The following TRPM8 variants were observed in gnomAD, a reference collection of about 807,000 sequenced individuals.
TRPM8 encodes TRPM8 cationic channel.
In TRPM8, 110 loss-of-function variants were observed where a neutral mutation model predicts 133.7. The ratio of observed to expected loss-of-function variants is 0.82; its 90% CI spans 0.70 to 0.96. The LOEUF (loss-of-function observed/expected upper bound fraction) is 0.96, where lower values mean the gene tolerates loss of function less well. TRPM8 is among the 40% of genes least tolerant of loss of function. The probability of loss-of-function intolerance (pLI) is 0.00; values close to 1 mark genes in which losing one functional copy is unlikely to be tolerated. For synonymous variants in TRPM8, 535 were observed against 532.3 expected, an observed-to-expected ratio of 1.01 and a Z score of -0.07; for missense variants, 1,291 against 1,379.5, an observed-to-expected ratio of 0.94 and a Z score of 1.02.
chr2:234,014,488 C>T (rs1692911696), intron 24 of TRPM8, 74 bp from the exon 25 acceptor site: 2 of 877,988 alleles, frequency 2.3e-6, no homozygotes, highest in East Asian at 3.0e-5. Context: ...TTAGAAAAGG[C>T]ACAGAGCGAT....
chr2:234,012,672 C>G (rs77329327), intron 24 of TRPM8, among the ~76,000 whole-genome samples: 30,994 of 151,540 alleles, frequency 0.2, 3,353 homozygotes, highest in Middle Eastern at 0.3. Flanking sequence ...AATGGGCATC[C>G]TTGCCTTATT....
intron 7 of TRPM8, among the ~76,000 whole-genome samples, chr2:233,946,726 A>T (rs1348016392): frequency 1.3e-5 from 2 of 152,254 alleles, no homozygotes; most frequent in African/African-American, 4.8e-5. Flanking sequence ...ACCACTAGTT[A>T]TGCAAAGTTC....
intron 3 of TRPM8, among the ~76,000 whole-genome samples, chr2:233,934,429 G>A (rs1177829930): frequency 6.6e-6 from 1 of 152,200 alleles, no homozygotes; most frequent in African/African-American, 2.4e-5. Context: ...TCCCATCCTT[G>A]AGCCTGTCAA....
At chr2:234,014,687 T>C in intron 25 of TRPM8, 33 bp downstream of exon 25, 1 of 796,632 alleles carries the variant, frequency 1.3e-6, no homozygotes, top group South Asian at 1.9e-5. Flanking sequence ...TACTTTGCTC[T>C]GAAGATTTGC....
intron 20 of TRPM8, among the ~76,000 whole-genome samples, chr2:233,985,333 C>T (rs1692118707): frequency 6.6e-6 from 1 of 152,198 alleles, no homozygotes; most frequent in East Asian, 1.9e-4. Context: ...CTTCTCAGAG[C>T]ACTGTGCGTG....
intron 22 of TRPM8, among the ~76,000 whole-genome samples, chr2:234,001,689 G>A (rs1263250908): frequency 6.6e-6 from 1 of 152,218 alleles, no homozygotes; most frequent in South Asian, 2.1e-4. Context: ...TAGTGTAAAA[G>A]CAGTCCTCTT....
In TRPM8 at chr2:234,005,727, G is replaced by A. The variant is rs572135835; in HGVS notation, c.3131-1126G>A. On this transcript the variant is annotated intron_variant, in intron 22 of 25. Coordinates refer to ENST00000324695, the MANE Select transcript of TRPM8 (RefSeq NM_024080.5). The stretch of plus-strand genomic sequence containing the variant: ...GGAGTTTGAGACCAGCCTGGCCAAC[G>A]TGATGAAACCCCATCTCTACTAAAA... Among the ~76,000 whole-genome samples, 133 of 152,066 alleles carry A rather than the reference G, an allele frequency of 8.7e-4. 2 individuals carry two copies. The highest frequency in any genetic ancestry group is 5.8e-3 in the Admixed American group (89 of 15,260).
rs566723939 is a variant in TRPM8, at chr2:233,974,376, G to A, written c.2355+3950G>A. Among the ~76,000 whole-genome samples the A allele has an allele frequency of 2.6e-5, 4 of 152,256 alleles. No individual in the cohort carries two copies. In the South Asian group the frequency reaches 8.3e-4, roughly 32 times the overall value. On this transcript the variant is annotated intron_variant, in intron 17 of 25. Transcript: ENST00000324695. The stretch of plus-strand genomic sequence containing the variant: ...AGCCTCCTGAGTATCTGGGACTACA[G>A]GCACGCACCACCATGCCCAGCTAAT...
chr2:233,934,602 G>A (rs1691752494), intron 3 of TRPM8, among the ~76,000 whole-genome samples: 2 of 152,170 alleles, frequency 1.3e-5, no homozygotes, highest in Admixed American at 6.5e-5. Flanking sequence ...CCAACCCCCA[G>A]GAGAGCAAGC....
At chr2:233,969,528 T>C (rs1227699797) in intron 15 of TRPM8, among the ~76,000 whole-genome samples, 167 bp from the exon 16 acceptor site, 2 of 152,074 alleles carry the variant, frequency 1.3e-5, no homozygotes, top group Non-Finnish European at 2.9e-5. Context: ...TTGTTTTTTT[T>C]AACACTGCCC....
At chr2:234,013,782 A>C (rs1692895423) in intron 24 of TRPM8, 1 of 152,166 alleles carries the variant, frequency 6.6e-6, no homozygotes, top group African/African-American at 2.4e-5. Flanking sequence ...ATTCATCTTA[A>C]GTCTGTAAGT....
chr2:233,974,391 G>A (rs1049932961), intron 17 of TRPM8, among the ~76,000 whole-genome samples: 2 of 152,044 alleles, frequency 1.3e-5, no homozygotes, highest in Non-Finnish European at 2.9e-5. Context: ...GCACCACCAT[G>A]CCCAGCTAAT....
chr2:234,018,395 A>G lies in TRPM8; in HGVS notation c.*1139A>G, dbSNP rs1164072937. The G allele has an allele frequency of 6.6e-6, 1 of 151,750 alleles. No individual in the cohort carries two copies. Among genetic ancestry groups the G allele is most frequent in the Non-Finnish European group, 1.5e-5 (1 of 67,938 alleles). 9.4% of individuals were successfully genotyped at this position (151,750 alleles called of 1,614,324 possible). The stretch of plus-strand genomic sequence containing the variant: ...TTGCTGTATTTGGGAAAATTTTCCA[A>G]GGTTAGATTCCAATAAATATCTATT... On this transcript the variant is annotated 3_prime_UTR_variant, in exon 26 of 26. Coordinates refer to ENST00000324695, the MANE Select transcript of TRPM8 (RefSeq NM_024080.5).
chr2:233,928,950 A>T (rs1045750352), intron 2 of TRPM8, among the ~76,000 whole-genome samples: 9 of 151,374 alleles, frequency 5.9e-5, no homozygotes, highest in Admixed American at 3.3e-4. Flanking sequence ...TTCTGTTTTG[A>T]ACATTCATGG....
intron 25 of TRPM8, among the ~76,000 whole-genome samples, chr2:234,015,597 T>G (rs138985462): frequency 3.7e-4 from 57 of 152,288 alleles, no homozygotes; most frequent in African/African-American, 1.3e-3. Context: ...TCATGTTGCA[T>G]TAGGTTCCTT....
chr2:233,943,065 A>ATT, intron 6 of TRPM8: 2 of 243,074 alleles, frequency 8.2e-6, no homozygotes, highest in Non-Finnish European at 7.1e-6. Flanking sequence ...CAACTGCAGT[A>ATT]TCTTTTTTTT....
chr2:233,970,113 C>G (rs1559534483), intron 16 of TRPM8, 97 bp from the exon 17 acceptor site: 1 of 1,126,732 alleles, frequency 8.9e-7, no homozygotes, highest in Non-Finnish European at 1.4e-6. Flanking sequence ...TTCCTCCTGG[C>G]TATGGGTCTG....
chr2:233,976,453 G>A (rs757280596), intron 17 of TRPM8, among the ~76,000 whole-genome samples: 2 of 152,144 alleles, frequency 1.3e-5, no homozygotes, highest in Non-Finnish European at 2.9e-5. Context: ...AGGACACAGG[G>A]CAGGGACATG....
intron 9 of TRPM8, among the ~76,000 whole-genome samples, chr2:233,950,636 C>A (rs540322773): frequency 6.6e-6 from 1 of 152,314 alleles, no homozygotes; most frequent in South Asian, 2.1e-4. Context: ...CTGGGCTAGA[C>A]GTGGCAGCTG....
Sources: gnomAD v4.1 joint callset for allele counts (sites outside exome capture counted in the v4.1 genomes callset) on GRCh38, gnomAD v4.1.1 for gene constraint, MANE v1.5 for transcripts, NCBI Gene and HGNC (gene_info 2026-07-23, HGNC 2026-07-21) for gene names.